The following MARCHF1 variants were observed in gnomAD, a reference collection of about 807,000 sequenced individuals.
The protein encoded by MARCHF1 is membrane associated ring-CH-type finger 1.
A neutral mutation model predicts 54.2 loss-of-function variants in MARCHF1; 40 were observed. That is an observed-to-expected ratio of 0.74 (90% CI 0.57 to 0.96). The LOEUF (loss-of-function observed/expected upper bound fraction) is 0.96. Ranked by LOEUF, MARCHF1 falls within the 40% of genes least tolerant of loss-of-function variation. MARCHF1 has a pLI of 0.00. For missense variants in MARCHF1, 586 were observed against 656.5 expected, an observed-to-expected ratio of 0.89 and a Z score of 1.17; for synonymous variants, 236 against 236.3, an observed-to-expected ratio of 1.00 and a Z score of 0.01.
chr4:164,167,214 C>G (rs1159142721), intron 1 of MARCHF1, among the ~76,000 whole-genome samples: 9 of 102,956 alleles, frequency 8.7e-5, no homozygotes, highest in African/African-American at 6.2e-4. Flanking sequence ...AAAAAGCAAA[C>G]AGTCTGTTAG....
intron 2 of MARCHF1, among the ~76,000 whole-genome samples, chr4:164,035,101 T>C: frequency 6.6e-6 from 1 of 152,286 alleles, no homozygotes; most frequent in East Asian, 1.9e-4. Context: ...TTTCATATTT[T>C]AATTAATATT....
chr4:164,102,672 A>G (rs1300728772), intron 2 of MARCHF1, among the ~76,000 whole-genome samples: 1 of 151,872 alleles, frequency 6.6e-6, no homozygotes. Context: ...GCCAAAATGT[A>G]AAGACCATCG....
chr4:163,550,238 C>T lies in MARCHF1; in HGVS notation c.1192-4495G>A, dbSNP rs1477040876. On this transcript the variant is annotated intron_variant, in intron 8 of 9. Coordinates refer to ENST00000514618, the MANE Select transcript of MARCHF1 (RefSeq NM_001394959.1). Reference sequence around the variant, plus strand: ...CAGAGATTGCAGTGGGCCGAGATCGCGCCACTGCACTCCAGCCTCGGCGAC... The same window carrying T: ...CAGAGATTGCAGTGGGCCGAGATCGTGCCACTGCACTCCAGCCTCGGCGAC... Among the ~76,000 whole-genome samples the T allele has an allele frequency of 4.7e-5, 7 of 147,988 alleles. No individual in the cohort carries two copies. The Admixed American group carries it at 4.7e-4, about 10-fold the overall frequency.
intron 5 of MARCHF1, among the ~76,000 whole-genome samples, chr4:163,699,155 A>T (rs1361635991): frequency 6.6e-6 from 1 of 152,168 alleles, no homozygotes; most frequent in Non-Finnish European, 1.5e-5. Context: ...CTCTGAAGGG[A>T]CATAGATTTG....
chr4:163,895,929 A>G (rs1750796756), intron 3 of MARCHF1, among the ~76,000 whole-genome samples: 1 of 152,166 alleles, frequency 6.6e-6, no homozygotes. Flanking sequence ...AAACACAAAT[A>G]CAACTGCAAA....
Position 164,122,403 on chromosome 4 carries a change from C to T in MARCHF1, c.-322-10741G>A, listed in dbSNP as rs184827304. Among the ~76,000 whole-genome samples, 426 of 152,182 alleles carry T rather than the reference C, an allele frequency of 2.8e-3. 6 individuals carry two copies. The highest frequency in any genetic ancestry group is 0.024 in the Admixed American group (373 of 15,254). ...GTGCCAATAATGTTCAAGATGGCGG[C>T]TCCATCTTTCCTTCTCTTTGTCAGC... On this transcript the variant is annotated intron_variant, in intron 1 of 9. Transcript: ENST00000514618.
intron 1 of MARCHF1, among the ~76,000 whole-genome samples, chr4:164,240,997 G>T (rs1260539949): frequency 6.6e-6 from 1 of 152,008 alleles, no homozygotes; most frequent in Non-Finnish European, 1.5e-5. Context: ...ACACGACTGG[G>T]GACTTTTTCC....
At chr4:163,779,234 A>G (rs1430987324) in intron 4 of MARCHF1, among the ~76,000 whole-genome samples, 1 of 152,168 alleles carries the variant, frequency 6.6e-6, no homozygotes, top group African/African-American at 2.4e-5. Flanking sequence ...GTCTTAGCTA[A>G]TTTGAATGAT....
At chr4:163,722,646 T>C (rs1351284214) in intron 4 of MARCHF1, among the ~76,000 whole-genome samples, 4 of 152,332 alleles carry the variant, frequency 2.6e-5, no homozygotes, top group East Asian at 1.9e-4. Context: ...TCTCCCATTA[T>C]TATTTTGTGG....
At chr4:163,727,386 C>T (rs1398041124) in intron 4 of MARCHF1, among the ~76,000 whole-genome samples, 1 of 151,408 alleles carries the variant, frequency 6.6e-6, no homozygotes, top group Non-Finnish European at 1.5e-5. Flanking sequence ...CAGCTCACTT[C>T]AAGCTCCGCC....
At chr4:164,289,475 G>A (rs1734232985) in intron 1 of MARCHF1, among the ~76,000 whole-genome samples, 1 of 150,894 alleles carries the variant, frequency 6.6e-6, no homozygotes, top group Non-Finnish European at 1.5e-5. Flanking sequence ...TTTTAAAGTT[G>A]AAGTTGACTT....
intron 3 of MARCHF1, among the ~76,000 whole-genome samples, chr4:163,929,651 T>C (rs1021925172): frequency 6.6e-6 from 1 of 151,338 alleles, no homozygotes; most frequent in Admixed American, 6.6e-5. Context: ...TTTAAGCAAA[T>C]GTAGGTAAAT....
intron 2 of MARCHF1, among the ~76,000 whole-genome samples, chr4:164,098,120 T>C (rs1755455345): frequency 6.6e-6 from 1 of 152,190 alleles, no homozygotes; most frequent in African/African-American, 2.4e-5. Flanking sequence ...TTTCAGCTCA[T>C]GCTTTCAGCT....
At chr4:164,072,186 G>A (rs991566985) in intron 2 of MARCHF1, among the ~76,000 whole-genome samples, 3 of 152,140 alleles carry the variant, frequency 2.0e-5, no homozygotes, top group African/African-American at 2.4e-5. Context: ...AGAAACTGCC[G>A]ATATTACGTC....
At chr4:163,924,723 A>G (rs1209065196) in intron 3 of MARCHF1, among the ~76,000 whole-genome samples, 6 of 151,918 alleles carry the variant, frequency 3.9e-5, no homozygotes, top group Admixed American at 3.9e-4. Context: ...AAGGGTGCAC[A>G]ACTAGTGGAT....
chr4:163,720,012 G>A (rs1483545328), intron 4 of MARCHF1, among the ~76,000 whole-genome samples: 2 of 152,120 alleles, frequency 1.3e-5, no homozygotes, highest in Non-Finnish European at 2.9e-5. Context: ...CTTTTGCTGT[G>A]CAGAAGCTCT....
chr4:164,189,720 A>G (rs2111044371), intron 1 of MARCHF1: 1 of 1,108,540 alleles, frequency 9.0e-7, no homozygotes, highest in Non-Finnish European at 1.4e-6. Flanking sequence ...AGAAGTCCAT[A>G]TCTTTTCTAT....
intron 4 of MARCHF1, among the ~76,000 whole-genome samples, chr4:163,831,086 C>T (rs1464378472): frequency 1.3e-5 from 2 of 152,300 alleles, no homozygotes; most frequent in Admixed American, 6.5e-5. Context: ...TTACAAAAAG[C>T]TCAGCCAAAA....
chr4:163,953,266 C>T (rs1347585818), intron 3 of MARCHF1, among the ~76,000 whole-genome samples: 1 of 152,094 alleles, frequency 6.6e-6, no homozygotes, highest in African/African-American at 2.4e-5. Context: ...TACTGTGATA[C>T]AATGTAAAAT....
Sources: gnomAD v4.1 joint callset for allele counts (sites outside exome capture counted in the v4.1 genomes callset) on GRCh38, gnomAD v4.1.1 for gene constraint, MANE v1.5 for transcripts, NCBI Gene and HGNC (gene_info 2026-07-23, HGNC 2026-07-21) for gene names.